Variants in CTDSPL2 observed in about 807,000 individuals in gnomAD.
CTDSPL2 encodes CTD small phosphatase-like protein 2.
A neutral mutation model predicts 60.0 loss-of-function variants in CTDSPL2; 5 were observed. That is an observed-to-expected ratio of 0.08 (90% CI 0.04 to 0.18). The LOEUF (loss-of-function observed/expected upper bound fraction) is 0.18, where lower values mean the gene tolerates loss of function less well. Ranked by LOEUF, CTDSPL2 falls within the 10% of genes least tolerant of loss-of-function variation. The pLI, the probability that CTDSPL2 is intolerant of heterozygous loss-of-function variation, is 1.00. For synonymous variants in CTDSPL2, 186 were observed against 189.3 expected, an observed-to-expected ratio of 0.98 and a Z score of 0.14; for missense variants, 370 against 548.8, an observed-to-expected ratio of 0.67 and a Z score of 3.26.
chr15:44,429,419 T>G (rs2079812559), intron 1 of CTDSPL2, among the ~76,000 whole-genome samples: 1 of 152,196 alleles, frequency 6.6e-6, no homozygotes, highest in African/African-American at 2.4e-5. Context: ...AATGACCTTT[T>G]TGGGTAGTTA....
At chr15:44,510,113 G>T (rs949852585) in intron 8 of CTDSPL2, among the ~76,000 whole-genome samples, 4 of 151,500 alleles carry the variant, frequency 2.6e-5, no homozygotes, top group Non-Finnish European at 5.9e-5. Flanking sequence ...AGCCTCCCCA[G>T]TAGCTGGGAC....
At chr15:44,509,294 G>A (rs1235425027) in intron 8 of CTDSPL2, among the ~76,000 whole-genome samples, 4 of 151,842 alleles carry the variant, frequency 2.6e-5, no homozygotes, top group Non-Finnish European at 5.9e-5. Flanking sequence ...CTCCACCTTC[G>A]CTGTTCCAGT....
chr15:44,480,315 T>G (rs2081002597), intron 2 of CTDSPL2, among the ~76,000 whole-genome samples: 1 of 152,222 alleles, frequency 6.6e-6, no homozygotes, highest in African/African-American at 2.4e-5. Context: ...GCTTCTTTTC[T>G]CAGGTGTGCC....
chr15:44,513,552 T>A (rs1466410380), intron 8 of CTDSPL2, among the ~76,000 whole-genome samples: 1 of 152,162 alleles, frequency 6.6e-6, no homozygotes, highest in Non-Finnish European at 1.5e-5. Context: ...GAACTAGATT[T>A]TTGTCATGGG....
rs564016676 is a variant in CTDSPL2 at position 44,464,014 on chromosome 15, CT to C, written c.186+4821del. Among the ~76,000 whole-genome samples the C allele has an allele frequency of 2.5e-3, 388 of 152,234 alleles. 1 individual carries two copies. Among genetic ancestry groups the C allele is most frequent in the Non-Finnish European group, 4.8e-3 (324 of 68,002 alleles). The stretch of plus-strand genomic sequence containing the variant: ...GTGAAGACCAATACGACAGCTTTTA[CT>C]TTTTTTCTTTTGAGATGCAGTTTCA... On this transcript the variant is annotated intron_variant, in intron 2 of 12. Coordinates refer to ENST00000260327, the MANE Select transcript of CTDSPL2 (RefSeq NM_016396.3).
chr15:44,441,849 A>G (rs924478682), intron 1 of CTDSPL2, among the ~76,000 whole-genome samples: 5 of 152,234 alleles, frequency 3.3e-5, no homozygotes, highest in Admixed American at 6.5e-5. Flanking sequence ...GAAAAACTCC[A>G]GTGGGTCATA....
chr15:44,513,604 T>C (rs1331317773), intron 8 of CTDSPL2, among the ~76,000 whole-genome samples: 1 of 152,222 alleles, frequency 6.6e-6, no homozygotes, highest in Non-Finnish European at 1.5e-5. Flanking sequence ...GAATTGAAAC[T>C]CCACTAAGCC....
intron 8 of CTDSPL2, among the ~76,000 whole-genome samples, chr15:44,505,671 T>C (rs1391619003): frequency 6.6e-6 from 1 of 150,608 alleles, no homozygotes; most frequent in Non-Finnish European, 1.5e-5. Context: ...GAGGGAGAGG[T>C]TGCAGTGAGC....
At chr15:44,501,410 TG>T (rs2081379284) in intron 8 of CTDSPL2, among the ~76,000 whole-genome samples, 2 of 152,128 alleles carry the variant, frequency 1.3e-5, no homozygotes, top group Admixed American at 1.3e-4. Context: ...TTCCCTTTCA[TG>T]AGCGTTTCTC....
chr15:44,459,472 G>A (rs2080518700), intron 2 of CTDSPL2, among the ~76,000 whole-genome samples: 2 of 152,104 alleles, frequency 1.3e-5, no homozygotes, highest in Admixed American at 1.3e-4. Context: ...AGCCTGTAGT[G>A]AGCCGAGATC....
intron 2 of CTDSPL2, among the ~76,000 whole-genome samples, chr15:44,481,584 A>AT (rs2081027683): frequency 6.6e-6 from 1 of 152,022 alleles, no homozygotes; most frequent in African/African-American, 2.4e-5. Flanking sequence ...TTTTATTTTT[A>AT]TTTTTTGAGA....
At chr15:44,519,806 G>C (rs1018927315) in intron 11 of CTDSPL2, 1 of 152,040 alleles carries the variant, frequency 6.6e-6, no homozygotes, top group African/African-American at 2.4e-5. Context: ...TTTCACTCTT[G>C]TTGCCCAAAC....
chr15:44,432,919 G>GC (rs1359502868), intron 1 of CTDSPL2, among the ~76,000 whole-genome samples: 1 of 152,048 alleles, frequency 6.6e-6, no homozygotes, highest in African/African-American at 2.4e-5. Context: ...ACCGCACCTG[G>GC]CCGATTCCTG....
At chr15:44,491,687 TTTG>T (rs917659439) in intron 5 of CTDSPL2, among the ~76,000 whole-genome samples, 84 of 152,100 alleles carry the variant, frequency 5.5e-4, no homozygotes, top group African/African-American at 1.6e-3. Context: ...TTTGTTTGTG[TTTG>T]TTGTTGTTGT....
chr15:44,489,265 C>G (rs1159118136), intron 4 of CTDSPL2, among the ~76,000 whole-genome samples: 1 of 151,684 alleles, frequency 6.6e-6, no homozygotes, highest in Non-Finnish European at 1.5e-5. Context: ...GTCTGAGAAG[C>G]CTGTTGGTTA....
At chr15:44,431,124 C>CTT (rs747235503) in intron 1 of CTDSPL2, among the ~76,000 whole-genome samples, 46 of 139,722 alleles carry the variant, frequency 3.3e-4, no homozygotes, top group African/African-American at 1.0e-3. Context: ...ATCTGGCCCA[C>CTT]TTTTTTTTTT....
At chr15:44,504,964 G>A (rs967858427) in intron 8 of CTDSPL2, among the ~76,000 whole-genome samples, 11 of 152,030 alleles carry the variant, frequency 7.2e-5, no homozygotes, top group African/African-American at 2.7e-4. Context: ...TTATTAGTAT[G>A]TTTAGTTATT....
intron 11 of CTDSPL2, 23 bp from the exon 12 acceptor site, chr15:44,521,288 T>C: frequency 8.9e-7 from 1 of 1,121,646 alleles, no homozygotes; most frequent in South Asian, 1.4e-5. Flanking sequence ...AAAGAGGATT[T>C]AATTACTTAT....
chr15:44,464,162 A>G (rs1310519221), intron 2 of CTDSPL2, among the ~76,000 whole-genome samples: 1 of 152,164 alleles, frequency 6.6e-6, no homozygotes, highest in African/African-American at 2.4e-5. Context: ...GGCATGTACC[A>G]CTACGCCCGC....
Sources: allele counts gnomAD v4.1 joint callset (sites outside exome capture counted in the v4.1 genomes callset), GRCh38; gene constraint gnomAD v4.1.1; transcripts MANE v1.5; gene names NCBI Gene and HGNC (gene_info 2026-07-23, HGNC 2026-07-21).